Variants in AOPEP observed in about 807,000 individuals in gnomAD.
The protein encoded by AOPEP is aminopeptidase O (putative), also known as aminopeptidase O.
AOPEP carries 77 observed loss-of-function variants against 98.1 expected under a neutral mutation model. The ratio of observed to expected loss-of-function variants is 0.78; its 90% CI spans 0.65 to 0.95. The LOEUF (loss-of-function observed/expected upper bound fraction) is 0.95. AOPEP is among the 40% of genes least tolerant of loss of function. AOPEP has a pLI of 0.00. For synonymous variants in AOPEP, 346 were observed against 365.3 expected (o/e 0.95, Z 0.60); for missense variants, 1,024 against 1,024.7 (o/e 1.00, Z 0.01).
intron 13 of AOPEP, among the ~76,000 whole-genome samples, chr9:95,040,363 A>G (rs1564559332): frequency 6.6e-6 from 1 of 152,280 alleles, no homozygotes; most frequent in Non-Finnish European, 1.5e-5. Context: ...CTGGAGCGGA[A>G]GAAAGGCTGT....
rs1367832316 is a variant in AOPEP, at chr9:94,980,369, C to T, written c.1977+942C>T. ...GGGCCTTGGCATCTGGGGGCGGTCC[C>T]GTGTGGTGAGGCAGGCCCTGTAGCC... On this transcript the variant is annotated intron_variant, in intron 11 of 16. Coordinates refer to ENST00000375315, the MANE Select transcript of AOPEP (RefSeq NM_001193329.3). The surrounding 1 kb of genome is among the most constrained non-coding windows in gnomAD (Gnocchi z 4.3). Among the ~76,000 whole-genome samples the T allele has an allele frequency of 6.6e-6, 1 of 152,196 alleles. No individual in the cohort carries two copies. The highest frequency in any genetic ancestry group is 1.9e-4 in the East Asian group (1 of 5,190).
At chr9:94,791,894 A>G (rs1180504819) in intron 3 of AOPEP, among the ~76,000 whole-genome samples, 1 of 152,244 alleles carries the variant, frequency 6.6e-6, no homozygotes, top group African/African-American at 2.4e-5. Flanking sequence ...ATGCTCGGAA[A>G]ATATACCATT....
At chr9:94,861,382 A>G (rs528672998) in intron 5 of AOPEP, among the ~76,000 whole-genome samples, 1 of 152,344 alleles carries the variant, frequency 6.6e-6, no homozygotes, top group Non-Finnish European at 1.5e-5. Context: ...AAGAAGATGA[A>G]GAGAGAAACA....
intron 5 of AOPEP, among the ~76,000 whole-genome samples, chr9:94,801,779 G>A (rs1848269421): frequency 6.6e-6 from 1 of 152,168 alleles, no homozygotes; most frequent in African/African-American, 2.4e-5. Context: ...GAATATGCTT[G>A]ACTAAGGATG....
intron 5 of AOPEP, among the ~76,000 whole-genome samples, chr9:94,856,555 C>T (rs1284576047): frequency 1.3e-5 from 2 of 150,946 alleles, no homozygotes; most frequent in Non-Finnish European, 2.9e-5. Context: ...GCAGGAGAAT[C>T]ACTTGAACCC....
chr9:94,840,646 G>A (rs2042163140), intron 5 of AOPEP, among the ~76,000 whole-genome samples: 2 of 152,038 alleles, frequency 1.3e-5, no homozygotes, highest in Admixed American at 1.3e-4. Flanking sequence ...CTTTTCAGAA[G>A]GTTTTTAACT....
intron 9 of AOPEP, among the ~76,000 whole-genome samples, chr9:94,963,107 T>C (rs1236683001): frequency 2.6e-5 from 4 of 152,182 alleles, no homozygotes; most frequent in Admixed American, 1.3e-4. Context: ...AACTTCTTCC[T>C]GACAATTTCA....
rs563471179 is a variant in AOPEP at position 95,053,913 on chromosome 9, C to G, written c.2116-6781C>G. 3.9e-5 allele frequency among the ~76,000 whole-genome samples: 6 copies of G among 152,282 alleles called. No homozygotes were observed. The East Asian group carries it at 7.7e-4, about 20-fold the overall frequency. On this transcript the variant is annotated intron_variant, in intron 13 of 16. Coordinates refer to ENST00000375315, the MANE Select transcript of AOPEP (RefSeq NM_001193329.3). ...GGGGTGGGTAGGGAGCGAGGTCTCA[C>G]TGTGTTGCTCAGGCTGGTCTGAAAC...
the AOPEP span, chr9:95,101,625 C>G: frequency 6.4e-7 from 1 of 1,566,648 alleles, no homozygotes; most frequent in African/African-American, 1.4e-5. Flanking sequence ...TCCACAAATG[C>G]GTGGCCACAG....
chr9:95,121,407 G>T, the AOPEP span, among the ~76,000 whole-genome samples: 1 of 152,198 alleles, frequency 6.6e-6, no homozygotes, highest in African/African-American at 2.4e-5. Flanking sequence ...GGATTTATGG[G>T]ATCACTCATA....
At chr9:95,075,050 T>C (rs1285155964) in intron 14 of AOPEP, among the ~76,000 whole-genome samples, 1 of 152,196 alleles carries the variant, frequency 6.6e-6, no homozygotes, top group East Asian at 1.9e-4. Flanking sequence ...TCTGCCGTCT[T>C]GTTCTTTCTC....
At chr9:95,031,563 G>A (rs965380952) in intron 13 of AOPEP, among the ~76,000 whole-genome samples, 3 of 152,210 alleles carry the variant, frequency 2.0e-5, no homozygotes, top group African/African-American at 7.2e-5. Context: ...CAATGCCCCA[G>A]CAGTGGCCAA....
intron 9 of AOPEP, 62 bp from the exon 10 acceptor site, chr9:94,967,696 T>G (rs2059292781): frequency 7.0e-7 from 1 of 1,419,386 alleles, no homozygotes; most frequent in African/African-American, 1.4e-5. Flanking sequence ...GCCTCTGGCA[T>G]GGTTCCAGGC....
At chr9:95,026,444 T>C (rs773419980) in intron 13 of AOPEP, among the ~76,000 whole-genome samples, 1 of 152,254 alleles carries the variant, frequency 6.6e-6, no homozygotes, top group East Asian at 1.9e-4. Flanking sequence ...AGTGGAATCA[T>C]ATAATACATG....
chr9:94,821,890 T>G (rs1853243467), intron 5 of AOPEP, among the ~76,000 whole-genome samples: 1 of 152,204 alleles, frequency 6.6e-6, no homozygotes, highest in Non-Finnish European at 1.5e-5. Context: ...GGCAAGTTTT[T>G]TTTTGTATTT....
intron 6 of AOPEP, among the ~76,000 whole-genome samples, chr9:94,925,491 G>A (rs892617850): frequency 2.6e-5 from 4 of 152,200 alleles, no homozygotes; most frequent in African/African-American, 4.8e-5. Flanking sequence ...CTGATTACCC[G>A]GCTCACAATT....
chr9:95,011,140 T>A (rs1232074404), intron 13 of AOPEP, among the ~76,000 whole-genome samples: 2 of 152,156 alleles, frequency 1.3e-5, no homozygotes. Flanking sequence ...AAATCTGATC[T>A]GTATAATTTA....
the AOPEP span, chr9:95,101,757 A>T: frequency 1.7e-5 from 27 of 1,614,094 alleles, no homozygotes; most frequent in Non-Finnish European, 2.3e-5. Flanking sequence ...AGTTTTTCTG[A>T]TCTAGGGCTT....
At chr9:94,743,837 A>C (rs531058696) in intron 1 of AOPEP, among the ~76,000 whole-genome samples, 2 of 152,210 alleles carry the variant, frequency 1.3e-5, no homozygotes, top group Non-Finnish European at 2.9e-5. Flanking sequence ...AGTTGACTCA[A>C]ACAGGGAAAA....
Sources: allele counts gnomAD v4.1 joint callset (sites outside exome capture counted in the v4.1 genomes callset), GRCh38; gene constraint gnomAD v4.1.1; non-coding constraint Gnocchi (gnomAD v3.1); transcripts MANE v1.5; gene names NCBI Gene and HGNC (gene_info 2026-07-23, HGNC 2026-07-21).